CCSER1: variants seen among roughly 807,000 people sequenced by gnomAD.
CCSER1 encodes the protein coiled-coil serine rich protein 1.
A neutral mutation model predicts 82.0 loss-of-function variants in CCSER1; 41 were observed. The observed-to-expected ratio is 0.50, with a 90% confidence interval of 0.39 to 0.65. CCSER1 has a LOEUF of 0.65. Among genes scored for constraint, CCSER1 ranks in the 30% least tolerant of loss-of-function variants. The probability of loss-of-function intolerance (pLI) is 0.00; values close to 1 mark genes in which losing one functional copy is unlikely to be tolerated. For synonymous variants in CCSER1, 414 were observed against 383.9 expected, an observed-to-expected ratio of 1.08 and a Z score of -0.92; for missense variants, 1,119 against 1,064.2, an observed-to-expected ratio of 1.05 and a Z score of -0.72.
intron 1 of CCSER1, among the ~76,000 whole-genome samples, chr4:90,232,774 C>T (rs1199657037): frequency 1.4e-3 from 205 of 149,914 alleles, no homozygotes; most frequent in Non-Finnish European, 2.6e-3. Context: ...AACAAATTTA[C>T]AAGAAAAAAA....
At chr4:90,233,717 T>TAA (rs199884858) in intron 1 of CCSER1, among the ~76,000 whole-genome samples, 3 of 125,482 alleles carry the variant, frequency 2.4e-5, no homozygotes, top group Non-Finnish European at 5.2e-5. Flanking sequence ...GAAGTGGCCA[T>TAA]AAAAAAAAAA....
At chr4:90,513,543 A>C (rs1560640229) in intron 5 of CCSER1, among the ~76,000 whole-genome samples, 1 of 152,174 alleles carries the variant, frequency 6.6e-6, no homozygotes, top group Non-Finnish European at 1.5e-5. Flanking sequence ...AGAATGCAGA[A>C]TATGTTAGGG....
chr4:90,371,863 G>A lies in CCSER1; in HGVS notation c.1510-28173G>A, dbSNP rs114618593. ...TGTCAATCTATTATAAACAAATGTG[G>A]GTGGCCTCAAAAATATGAATGTGAA... is the stretch of plus-strand genomic sequence containing the variant. On this transcript the variant is annotated intron_variant, in intron 3 of 10. Coordinates refer to ENST00000509176, the MANE Select transcript of CCSER1 (RefSeq NM_001145065.2). 8.0e-3 allele frequency among the ~76,000 whole-genome samples: 1,210 copies of A among 152,134 alleles called. 14 individuals carry two copies. The highest frequency in any genetic ancestry group is 0.028 in the African/African-American group (1,165 of 41,508).
intron 10 of CCSER1, among the ~76,000 whole-genome samples, chr4:91,169,999 AG>A (rs1308343857): frequency 2.0e-5 from 3 of 152,210 alleles, no homozygotes; most frequent in Non-Finnish European, 2.9e-5. Context: ...TCTTTTAAAA[AG>A]AAAGCACATT....
intron 10 of CCSER1, among the ~76,000 whole-genome samples, chr4:91,343,167 T>G (rs999718905): frequency 6.6e-6 from 1 of 152,068 alleles, no homozygotes; most frequent in African/African-American, 2.4e-5. Context: ...TTTTTCCTTT[T>G]TGCCCAATTT....
At chr4:90,230,716 G>C (rs1318657659) in intron 1 of CCSER1, among the ~76,000 whole-genome samples, 5 of 150,592 alleles carry the variant, frequency 3.3e-5, no homozygotes, top group African/African-American at 1.2e-4. Context: ...AAAATTGATA[G>C]ACCGCTAGCA....
chr4:90,844,177 A>ACCCT (rs920018155), intron 8 of CCSER1, among the ~76,000 whole-genome samples: 2 of 148,160 alleles, frequency 1.3e-5, no homozygotes, highest in African/African-American at 4.9e-5. Flanking sequence ...TAGATAGAGA[A>ACCCT]TATATACATA....
intron 10 of CCSER1, among the ~76,000 whole-genome samples, chr4:91,470,377 GCTTT>G (rs1247614899): frequency 1.3e-5 from 2 of 151,860 alleles, no homozygotes; most frequent in Non-Finnish European, 2.9e-5. Context: ...AAATATACTA[GCTTT>G]CTTCTACTGC....
intron 5 of CCSER1, among the ~76,000 whole-genome samples, chr4:90,523,011 C>T (rs1299564902): frequency 6.6e-6 from 1 of 151,802 alleles, no homozygotes; most frequent in Non-Finnish European, 1.5e-5. Flanking sequence ...CCCTCTTTAC[C>T]CCTGCTCCTA....
At chr4:91,080,710 T>TA (rs1722611762) in intron 9 of CCSER1, among the ~76,000 whole-genome samples, 1 of 151,734 alleles carries the variant, frequency 6.6e-6, no homozygotes, top group Non-Finnish European at 1.5e-5. Flanking sequence ...ATCAAATAGA[T>TA]ACAATAAAAA....
At chr4:91,119,649 A>C (rs1212275533) in intron 10 of CCSER1, among the ~76,000 whole-genome samples, 1 of 151,972 alleles carries the variant, frequency 6.6e-6, no homozygotes, top group African/African-American at 2.4e-5. Flanking sequence ...AAATAGAAAA[A>C]AATTGAAATG....
intron 5 of CCSER1, among the ~76,000 whole-genome samples, chr4:90,534,453 G>GTGTGTA (rs1775040719): frequency 7.1e-6 from 1 of 140,720 alleles, no homozygotes; most frequent in Admixed American, 6.9e-5. Flanking sequence ...GTGTGTGTGT[G>GTGTGTA]TGTGTGTGTG....
chr4:91,383,815 A>G (rs1457321688), intron 10 of CCSER1, among the ~76,000 whole-genome samples: 2 of 152,208 alleles, frequency 1.3e-5, no homozygotes, highest in African/African-American at 4.8e-5. Context: ...TACATTACAC[A>G]GAATTGTTGA....
At chr4:90,242,672 T>C (rs1452780997) in intron 1 of CCSER1, among the ~76,000 whole-genome samples, 1 of 152,192 alleles carries the variant, frequency 6.6e-6, no homozygotes, top group Non-Finnish European at 1.5e-5. Context: ...TCCCCTTTGG[T>C]TATAAGGATA....
At chr4:90,303,140 TATG>T (rs2153475094) in intron 1 of CCSER1, among the ~76,000 whole-genome samples, 1 of 152,336 alleles carries the variant, frequency 6.6e-6, no homozygotes, top group African/African-American at 2.4e-5. Context: ...TTTTAGTATC[TATG>T]ATGTTTTTAC....
intron 9 of CCSER1, among the ~76,000 whole-genome samples, chr4:90,991,538 T>G (rs977911900): frequency 6.6e-6 from 1 of 151,952 alleles, no homozygotes; most frequent in Non-Finnish European, 1.5e-5. Flanking sequence ...GGCTGTCTTC[T>G]CTCTATGTCA....
At chr4:90,875,451 A>T (rs56664095) in intron 8 of CCSER1, among the ~76,000 whole-genome samples, 1 of 152,028 alleles carries the variant, frequency 6.6e-6, no homozygotes, top group African/African-American at 2.4e-5. Context: ...TTCACATCTC[A>T]TCTATTTTTA....
At chr4:91,136,905 A>G (rs1261156594) in intron 10 of CCSER1, among the ~76,000 whole-genome samples, 2 of 152,184 alleles carry the variant, frequency 1.3e-5, no homozygotes, top group Admixed American at 1.3e-4. Context: ...ATTTGATTTT[A>G]TAATATAAAA....
chr4:90,936,905 T>C (rs1028121116), intron 9 of CCSER1, among the ~76,000 whole-genome samples: 8 of 152,172 alleles, frequency 5.3e-5, no homozygotes, highest in African/African-American at 1.9e-4. Flanking sequence ...CATACAGTTA[T>C]AGTCCTGGTG....
Sources: gnomAD v4.1 joint callset for allele counts (sites outside exome capture counted in the v4.1 genomes callset) on GRCh38, gnomAD v4.1.1 for gene constraint, MANE v1.5 for transcripts, NCBI Gene and HGNC (gene_info 2026-07-23, HGNC 2026-07-21) for gene names.